Variants in HK2 observed in about 807,000 individuals in gnomAD.
The protein encoded by HK2 is hexokinase-2.
HK2 carries 42 observed loss-of-function variants against 92.9 expected under a neutral mutation model. That is an observed-to-expected ratio of 0.45 (90% CI 0.35 to 0.58). HK2 has a LOEUF of 0.58. Among genes scored for constraint, HK2 ranks in the 20% least tolerant of loss-of-function variants. The pLI is 0.00. For missense variants in HK2, 978 were observed against 1,245.1 expected (o/e 0.79, Z 3.23); for synonymous variants, 422 against 468.0 (o/e 0.90, Z 1.27).
rs1266328422 is a variant in HK2, at chr2:74,881,857, G to A, written c.1717G>A (p.Glu573Lys). ...PQEVMHGTGD[E>K]LFDHIVQCIA... ...GGAGGTCATGCACGGCACCGGGGAC[G>A]AGGTGAGCAGGGCGGCGCCTTCAGG... The change falls in exon 11 of 18, where the codon GAG becomes AAG. Residue 573 changes from glutamate to lysine, a missense_variant and splice_region_variant. Transcript: ENST00000290573. The A allele has an allele frequency of 3.1e-6, 5 of 1,614,058 alleles. No homozygotes were observed. Among genetic ancestry groups the A allele is most frequent in the East Asian group, 2.2e-5 (1 of 44,888 alleles).
chr2:74,879,129 A>G (rs1318586843), intron 9 of HK2, among the ~76,000 whole-genome samples: 1 of 152,066 alleles, frequency 6.6e-6, no homozygotes, highest in Admixed American at 6.6e-5. Context: ...TCTGAAGGCT[A>G]CTGATGACTC....
In HK2 at chr2:74,834,825, G is replaced by A. The variant is rs1024290584; in HGVS notation, c.63+182G>A. On this transcript the variant is annotated intron_variant, in intron 1 of 17. Coordinates refer to ENST00000290573, the MANE Select transcript of HK2 (RefSeq NM_000189.5). This position sits in a 1 kb window ranked among gnomAD's most constrained non-coding sequence, Gnocchi z 4.2. ...GCCACGTCCGCTAAGCACAGCCGGC[G>A]AGTGCGCGCGGGCGGGGAGCCGAGG... 4.8e-5 allele frequency among the ~76,000 whole-genome samples: 7 copies of A among 146,974 alleles called. No homozygotes were observed. Among genetic ancestry groups the A allele is most frequent in the African/African-American group, 1.7e-4 (7 of 40,898 alleles).
chr2:74,844,137 G>A (rs1238172255), intron 1 of HK2, among the ~76,000 whole-genome samples: 1 of 152,216 alleles, frequency 6.6e-6, no homozygotes, highest in Admixed American at 6.5e-5. Flanking sequence ...CAGTTTCATG[G>A]GGTTATGAGT....
chr2:74,875,571 C>T (rs141012944), intron 7 of HK2, among the ~76,000 whole-genome samples: 12,192 of 152,164 alleles, frequency 0.08, 1,335 homozygotes, highest in African/African-American at 0.25. Flanking sequence ...TCAGGCGGTC[C>T]GCCCTCCTCG....
At chr2:74,878,428 T>TGTGTGCACACGCACATGCGTGTGC (rs1263230968) in intron 8 of HK2, among the ~76,000 whole-genome samples, 1 of 150,878 alleles carries the variant, frequency 6.6e-6, no homozygotes, top group African/African-American at 2.5e-5. Flanking sequence ...TGTGTGTGTG[T>TGTGTGCACACGCACATGCGTGTGC]GTGTGTGTGT....
At chr2:74,838,272 A>C (rs376809750) in intron 1 of HK2, among the ~76,000 whole-genome samples, 1 of 152,050 alleles carries the variant, frequency 6.6e-6, no homozygotes, top group East Asian at 1.9e-4. Context: ...AAAGGAGGAG[A>C]CCTTTCTGGA....
intron 1 of HK2, among the ~76,000 whole-genome samples, chr2:74,845,819 C>T (rs181349825): frequency 4.6e-5 from 7 of 152,354 alleles, no homozygotes; most frequent in South Asian, 4.1e-4. Flanking sequence ...GTCTTCCCCC[C>T]GGCTCATCTT....
Position 74,882,189 on chromosome 2 carries a change from C to T in HK2, c.1789C>T (p.Pro597Ser). Residue 597 changes from proline to serine, a missense_variant, in exon 12 of 18, where the codon CCT becomes TCT. Transcript: ENST00000290573. ...EYMGMKGVSLPLGFTFSFPCQ... is the reference protein window; with the variant it reads ...EYMGMKGVSLSLGFTFSFPCQ... ...CATGGGCATGAAGGGCGTGTCCCTGCCTCTGGGTTTTACCTTCTCCTTCCC... is the reference window on the plus strand; with the variant it reads ...CATGGGCATGAAGGGCGTGTCCCTGTCTCTGGGTTTTACCTTCTCCTTCCC... The T allele has an allele frequency of 6.2e-7, 1 of 1,614,134 alleles. No homozygotes were observed. The highest frequency in any genetic ancestry group is 8.5e-7 in the Non-Finnish European group (1 of 1,179,994).
chr2:74,876,299 T>C (rs1274882856), intron 7 of HK2, among the ~76,000 whole-genome samples: 1 of 152,218 alleles, frequency 6.6e-6, no homozygotes, highest in Non-Finnish European at 1.5e-5. Context: ...TCCTCCTCGC[T>C]GGGGCTCATC....
At chr2:74,881,605 G>T in intron 10 of HK2, 106 bp from the exon 11 acceptor site, 1 of 1,092,848 alleles carries the variant, frequency 9.2e-7, no homozygotes, top group Middle Eastern at 2.9e-4. Context: ...ATATAAAGTG[G>T]CATTTGATGG....
chr2:74,872,082 G>A (rs1169658180), intron 3 of HK2, among the ~76,000 whole-genome samples: 1 of 152,222 alleles, frequency 6.6e-6, no homozygotes, highest in Non-Finnish European at 1.5e-5. Context: ...AAAAACTAAT[G>A]TTAAGCCTTT....
intron 7 of HK2, among the ~76,000 whole-genome samples, chr2:74,875,594 G>A (rs962168881): frequency 9.2e-5 from 14 of 152,196 alleles, no homozygotes; most frequent in Non-Finnish European, 1.9e-4. Context: ...CTCCCAAAGT[G>A]CTGGGATTAC....
At chr2:74,859,515 T>A (rs1688767278) in intron 2 of HK2, among the ~76,000 whole-genome samples, 1 of 152,092 alleles carries the variant, frequency 6.6e-6, no homozygotes, top group Non-Finnish European at 1.5e-5. Context: ...TGAAACCCTG[T>A]CTCTACTAAA....
intron 2 of HK2, among the ~76,000 whole-genome samples, chr2:74,864,487 C>T (rs1411201730): frequency 6.6e-6 from 1 of 151,348 alleles, no homozygotes; most frequent in Non-Finnish European, 1.5e-5. Flanking sequence ...TACTGTGTTT[C>T]TTCTTTGTTG....
chr2:74,848,329 G>A (rs578183122), intron 1 of HK2, among the ~76,000 whole-genome samples: 2 of 152,284 alleles, frequency 1.3e-5, no homozygotes, highest in South Asian at 2.1e-4. Context: ...CAGGGCTGTT[G>A]ATTTCTTAAA....
chr2:74,855,955 A>C (rs1688686947), intron 2 of HK2, among the ~76,000 whole-genome samples: 1 of 151,984 alleles, frequency 6.6e-6, no homozygotes, highest in Admixed American at 6.6e-5. Flanking sequence ...CATTTTAGAG[A>C]TGAGGTGCTT....
Position 74,834,747 on chromosome 2 carries a change from G to C in HK2, c.63+104G>C, listed in dbSNP as rs1688108525. ...CGGGGACCCGCTTCCTCCCTACTCC[G>C]GGCCTGGGAGCGGAAAAAGTTTGGG... is the stretch of plus-strand genomic sequence containing the variant. On this transcript the variant is annotated intron_variant, in intron 1 of 17. Transcript: ENST00000290573. The surrounding 1 kb of genome is among the most constrained non-coding windows in gnomAD (Gnocchi z 4.2). 3.9e-6 allele frequency: 5 copies of C among 1,267,592 alleles called. No homozygotes were observed. The highest frequency in any genetic ancestry group is 3.5e-5 in the Admixed American group (2 of 57,820). The allele number at this position is 1,267,592 out of a possible 1,614,324, so 78.5% of individuals were successfully genotyped here. A position where few individuals can be genotyped will look rare whatever the true frequency, so the allele number is the denominator to read the frequency against.
chr2:74,885,970 T>C (rs574871274), intron 13 of HK2, among the ~76,000 whole-genome samples: 2 of 152,098 alleles, frequency 1.3e-5, no homozygotes, highest in South Asian at 4.2e-4. Context: ...TATTTCTTGA[T>C]TATATGCTAA....
chr2:74,835,882 G>A (rs1245589827), intron 1 of HK2, among the ~76,000 whole-genome samples: 1 of 152,166 alleles, frequency 6.6e-6, no homozygotes, highest in Non-Finnish European at 1.5e-5. Context: ...GCGACAACCT[G>A]CTCATATTCC....
Sources: allele counts gnomAD v4.1 joint callset (sites outside exome capture counted in the v4.1 genomes callset), GRCh38; gene constraint gnomAD v4.1.1; non-coding constraint Gnocchi (gnomAD v3.1); transcripts MANE v1.5; gene names NCBI Gene and HGNC (gene_info 2026-07-23, HGNC 2026-07-21).